GRK4: variants seen among roughly 807,000 people sequenced by gnomAD.
The protein encoded by GRK4 is G protein-coupled receptor kinase 4.
GRK4 carries 73 observed loss-of-function variants against 77.9 expected under a neutral mutation model. The ratio of observed to expected loss-of-function variants is 0.94; its 90% CI spans 0.78 to 1.14. The LOEUF (loss-of-function observed/expected upper bound fraction) is 1.14. GRK4 is among the 50% of genes most tolerant of loss of function. The pLI is 0.00. For synonymous variants in GRK4, 257 were observed against 254.4 expected (o/e 1.01, Z -0.10); for missense variants, 729 against 700.2 (o/e 1.04, Z -0.46).
At chr4:3,019,867 T>G in intron 9 of GRK4, 36 bp downstream of exon 9, 1 of 1,567,638 alleles carries the variant, frequency 6.4e-7, no homozygotes, top group South Asian at 1.2e-5. Context: ...CCTGCAAGTC[T>G]TGGAGCCGGT....
At chr4:3,038,302 G>A (rs1240285349) in intron 14 of GRK4, 74 bp from the exon 15 acceptor site, 1 of 1,580,824 alleles carries the variant, frequency 6.3e-7, no homozygotes, top group Non-Finnish European at 8.6e-7. Context: ...GGCAGGAGCT[G>A]CTGGCACTGG....
chr4:3,011,592 C>CA (rs1732938414), intron 7 of GRK4, among the ~76,000 whole-genome samples: 1 of 152,196 alleles, frequency 6.6e-6, no homozygotes, highest in African/African-American at 2.4e-5. Flanking sequence ...GTTGTACTCT[C>CA]AGTCAAGGCC....
chr4:3,016,094 G>A (rs1287360821), intron 8 of GRK4, among the ~76,000 whole-genome samples: 3 of 150,806 alleles, frequency 2.0e-5, no homozygotes, highest in Admixed American at 2.0e-4. Context: ...ATTATTAGTA[G>A]CGACAGGGTT....
At position 3,038,486 on chromosome 4, in the gene GRK4, C is replaced by T. The variant is rs780411761; in HGVS notation, c.1656C>T (p.Gly552=). The part of the protein sequence containing the change: ...IHTPVSRPNR[G]FFYRLFRRGG... ...CCCCGGTTTCCAGACCAAACAGAGG[C>T]TTCTTCTATAGACTCTTCAGAAGAG... Residue 552 remains glycine, a synonymous_variant, in exon 15 of 16, where the codon GGC becomes GGT. Coordinates refer to ENST00000398052, the MANE Select transcript of GRK4 (RefSeq NM_182982.3). The T allele has an allele frequency of 3.1e-6, 5 of 1,613,508 alleles. No individual in the cohort carries two copies. In the African/African-American group the frequency reaches 6.7e-5, roughly 22 times the overall value.
intron 4 of GRK4, among the ~76,000 whole-genome samples, chr4:2,998,142 A>G (rs1728497331): frequency 6.6e-6 from 1 of 152,172 alleles, no homozygotes; most frequent in East Asian, 1.9e-4. Context: ...GGATCACCTG[A>G]GGTCAGGAGT....
chr4:3,027,878 C>T lies in GRK4; in HGVS notation c.971-34C>T, dbSNP rs189197203. On this transcript the variant is annotated intron_variant, in intron 10 of 15. Transcript: ENST00000398052. ...GTTGTTACGGTGTCATTACTTCCCC[C>T]GTGACCTGTGTAATAACATATTTGA... 2.8e-4 allele frequency: 444 copies of T among 1,579,620 alleles called. No individual in the cohort carries two copies. The African/African-American group carries it at 5.0e-3, about 18-fold the overall frequency.
At chr4:2,965,143 G>A in intron 1 of GRK4, 1 of 619,044 alleles carries the variant, frequency 1.6e-6, no homozygotes, top group Non-Finnish European at 2.9e-6. Context: ...ATCCTGCTTA[G>A]TCTTTGTTCA....
intron 9 of GRK4, among the ~76,000 whole-genome samples, chr4:3,022,063 A>G (rs886962744): frequency 6.6e-6 from 1 of 152,178 alleles, no homozygotes; most frequent in African/African-American, 2.4e-5. Context: ...AATATGGGGA[A>G]TTTTCAGTTT....
At chr4:3,013,637 T>A (rs1354679207) in intron 7 of GRK4, 51 bp from the exon 8 acceptor site, 1 of 1,569,592 alleles carries the variant, frequency 6.4e-7, no homozygotes, top group African/African-American at 1.4e-5. Context: ...TTGTGTGGCC[T>A]AAGAAATGCC....
intron 8 of GRK4, among the ~76,000 whole-genome samples, chr4:3,015,097 T>C (rs556173254): frequency 4.6e-5 from 7 of 152,294 alleles, no homozygotes; most frequent in South Asian, 4.1e-4. Flanking sequence ...GGACAGAACA[T>C]TGGGCGGACT....
intron 11 of GRK4, among the ~76,000 whole-genome samples, chr4:3,028,214 C>A (rs1056353522): frequency 6.6e-6 from 1 of 152,126 alleles, no homozygotes; most frequent in Non-Finnish European, 1.5e-5. Flanking sequence ...AGGGGTGAGG[C>A]CTGAGAGGTT....
intron 4 of GRK4, among the ~76,000 whole-genome samples, chr4:2,992,878 GGAGGCTCAGGTGGGAGGACTGCTT>G (rs1726691561): frequency 6.6e-6 from 1 of 152,052 alleles, no homozygotes; most frequent in Admixed American, 6.6e-5. Context: ...CAGCTACTTG[GGAGGCTCAGGTGGGAGGACTGCTT>G]GAGCCCAGGA....
chr4:3,014,171 T>C (rs928342360), intron 8 of GRK4, among the ~76,000 whole-genome samples: 1 of 152,130 alleles, frequency 6.6e-6, no homozygotes. Context: ...GAATTGCCCT[T>C]TCCTTTCCCT....
intron 13 of GRK4, among the ~76,000 whole-genome samples, chr4:3,036,345 C>T (rs2995802): frequency 0.062 from 9,376 of 152,284 alleles, 404 homozygotes; most frequent in African/African-American, 0.12. Flanking sequence ...CCCCGAGGGG[C>T]GGGGCCTGCC....
chr4:2,981,493 A>G (rs1235557829), intron 1 of GRK4, among the ~76,000 whole-genome samples: 2 of 152,220 alleles, frequency 1.3e-5, no homozygotes, highest in Non-Finnish European at 2.9e-5. Context: ...TGGAGTGGGT[A>G]GCTCCTATCT....
intron 4 of GRK4, among the ~76,000 whole-genome samples, chr4:2,992,614 T>G (rs550714106): frequency 1.3e-5 from 2 of 149,968 alleles, no homozygotes; most frequent in Non-Finnish European, 3.0e-5. Flanking sequence ...CCCAGGAGAT[T>G]GAGGTGGCTG....
chr4:3,025,173 A>C (rs1476303225), intron 10 of GRK4, among the ~76,000 whole-genome samples: 1 of 149,768 alleles, frequency 6.7e-6, no homozygotes, highest in East Asian at 2.1e-4. Flanking sequence ...TGAGGGGCTG[A>C]GGCAGAAGAA....
chr4:3,037,859 G>A (rs1741223865), intron 14 of GRK4, among the ~76,000 whole-genome samples: 1 of 151,188 alleles, frequency 6.6e-6, no homozygotes, highest in African/African-American at 2.4e-5. Context: ...AAGTTGCAGT[G>A]AGCTGAGATT....
At chr4:3,033,337 C>T (rs1253342822) in intron 12 of GRK4, among the ~76,000 whole-genome samples, 4 of 152,232 alleles carry the variant, frequency 2.6e-5, no homozygotes, top group African/African-American at 9.6e-5. Flanking sequence ...GCAGGAATCC[C>T]ATTCACGAGG....
Sources: gnomAD v4.1 joint callset for allele counts (sites outside exome capture counted in the v4.1 genomes callset) on GRCh38, gnomAD v4.1.1 for gene constraint, MANE v1.5 for transcripts, NCBI Gene and HGNC (gene_info 2026-07-23, HGNC 2026-07-21) for gene names.